Variants in CNBD2 observed in about 807,000 individuals in gnomAD.
CNBD2 encodes the protein cyclic nucleotide binding domain containing 2.
CNBD2 carries 64 observed loss-of-function variants against 63.7 expected under a neutral mutation model. That is an observed-to-expected ratio of 1.00 (90% CI 0.82 to 1.24). The LOEUF (loss-of-function observed/expected upper bound fraction) is 1.24. Among genes scored for constraint, CNBD2 ranks in the 50% most tolerant of loss-of-function variants. The pLI, the probability that CNBD2 is intolerant of heterozygous loss-of-function variation, is 0.00. For synonymous variants in CNBD2, 229 were observed against 255.4 expected, an observed-to-expected ratio of 0.90 and a Z score of 0.99; for missense variants, 691 against 713.5, an observed-to-expected ratio of 0.97 and a Z score of 0.36.
intron 2 of CNBD2, among the ~76,000 whole-genome samples, chr20:35,961,794 T>G (rs2056310761): frequency 6.6e-6 from 1 of 152,056 alleles, no homozygotes; most frequent in Admixed American, 6.5e-5. Flanking sequence ...TTTTTGTGAG[T>G]ATGTGAATTG....
intron 8 of CNBD2, among the ~76,000 whole-genome samples, chr20:36,006,631 G>T (rs530543238): frequency 1.3e-5 from 2 of 152,134 alleles, no homozygotes; most frequent in South Asian, 4.1e-4. Context: ...TGCCCAGACT[G>T]GTCTCGAACT....
At chr20:35,987,640 C>T in intron 7 of CNBD2, 107 bp downstream of exon 7, 2 of 1,261,764 alleles carry the variant, frequency 1.6e-6, no homozygotes, top group Non-Finnish European at 2.2e-6. Context: ...GCAACCTGTG[C>T]AATTCACTTC....
intron 10 of CNBD2, among the ~76,000 whole-genome samples, chr20:36,012,337 G>A (rs540319764): frequency 3.4e-4 from 51 of 151,730 alleles, no homozygotes; most frequent in Admixed American, 9.8e-4. Flanking sequence ...AAAAAGCCAG[G>A]TATGGTGGCA....
chr20:35,996,658 C>T (rs2056830032), intron 8 of CNBD2, among the ~76,000 whole-genome samples: 1 of 152,052 alleles, frequency 6.6e-6, no homozygotes, highest in South Asian at 2.1e-4. Context: ...CGGGCACATG[C>T]CACCATGCCC....
chr20:35,967,707 G>C (rs993206503), upstream of CNBD2, among the ~76,000 whole-genome samples: 2 of 152,012 alleles, frequency 1.3e-5, no homozygotes, highest in African/African-American at 4.8e-5. Context: ...ACAAAAATCA[G>C]CCGGGCATGG....
At position 35,984,695 on chromosome 20, in the gene CNBD2, G is replaced by T. The variant is rs1235105947; in HGVS notation, c.633G>T (p.Leu211=). ...TCTGTATGGAAGAAACGGAGTTCCTGGTTGTTGACCGGGAGGACTTCTTTG... is the reference window on the plus strand; with the variant it reads ...TCTGTATGGAAGAAACGGAGTTCCTTGTTGTTGACCGGGAGGACTTCTTTG... ...TIVCMEETEF[L]VVDREDFFAN... is the part of the protein sequence containing the mutation. Residue 211 remains leucine, a synonymous_variant, in exon 6 of 12, where the codon CTG becomes CTT. Transcript: ENST00000373973. 7 of 1,614,098 alleles carry T rather than the reference G, an allele frequency of 4.3e-6. No individual in the cohort carries two copies. Among genetic ancestry groups the T allele is most frequent in the Non-Finnish European group, 5.9e-6 (7 of 1,180,036 alleles).
At chr20:35,954,612 G>T, upstream of CNBD2, 2 of 1,360,044 alleles carry the variant, frequency 1.5e-6, no homozygotes, top group Non-Finnish European at 1.9e-6. Context: ...GGTGCGGGAG[G>T]GCGAGCTGCG....
At chr20:36,005,908 G>A (rs1055428045) in intron 8 of CNBD2, among the ~76,000 whole-genome samples, 1 of 151,840 alleles carries the variant, frequency 6.6e-6, no homozygotes, top group African/African-American at 2.4e-5. Context: ...CCGAGATCAA[G>A]CCACTACACT....
chr20:35,966,670 T>C (rs971979619), upstream of CNBD2, among the ~76,000 whole-genome samples: 1 of 152,066 alleles, frequency 6.6e-6, no homozygotes, highest in Non-Finnish European at 1.5e-5. Flanking sequence ...ATTGTCCTGA[T>C]TTAACCAGAC....
rs768876283 is a variant in CNBD2 at position 36,023,681 on chromosome 20, T to TA, written c.1350dup (p.Arg451ThrfsTer9). 21 of 1,613,760 alleles carry TA rather than the reference T, an allele frequency of 1.3e-5. No homozygotes were observed. The African/African-American group carries it at 2.5e-4, about 20-fold the overall frequency. On this transcript the variant is annotated frameshift_variant, in exon 11 of 12. Transcript: ENST00000373973. LOFTEE classifies it high-confidence loss of function. ...CTGATGAGCCTGGGAAATGAGTTGA[T>TA]ACGGATAAGGAAGGAAATATTTTAT...
intron 1 of CNBD2, among the ~76,000 whole-genome samples, chr20:35,972,111 T>C (rs1005107160): frequency 6.6e-6 from 1 of 152,228 alleles, no homozygotes; most frequent in Non-Finnish European, 1.5e-5. Context: ...AAAATCAAGG[T>C]GTGAGCATTC....
intron 11 of CNBD2, among the ~76,000 whole-genome samples, chr20:36,027,828 C>T (rs1279023729): frequency 1.3e-5 from 2 of 151,988 alleles, no homozygotes; most frequent in African/African-American, 4.8e-5. Context: ...GGCGCCGCCA[C>T]CACACCTGAC....
chr20:35,954,608 G>A, upstream of CNBD2: 1 of 1,372,706 alleles, frequency 7.3e-7, no homozygotes, highest in Non-Finnish European at 9.6e-7. Context: ...TCGCGGTGCG[G>A]GAGGGCGAGC....
chr20:36,019,491 C>T (rs1440113561), intron 10 of CNBD2, among the ~76,000 whole-genome samples: 1 of 146,952 alleles, frequency 6.8e-6, no homozygotes, highest in Non-Finnish European at 1.5e-5. Context: ...CAACTGCACT[C>T]CAGCCTAGGG....
At chr20:35,964,720 A>G (rs2056332454), upstream of CNBD2, among the ~76,000 whole-genome samples, 1 of 146,976 alleles carries the variant, frequency 6.8e-6, no homozygotes, top group South Asian at 2.2e-4. Context: ...TTTTTTTTTT[A>G]AGAGACGGAG....
intron 7 of CNBD2, 70 bp from the exon 8 acceptor site, chr20:35,994,968 T>C (rs1428994941): frequency 2.9e-6 from 3 of 1,037,692 alleles, no homozygotes; most frequent in Non-Finnish European, 4.4e-6. Flanking sequence ...TAAGAGAGAT[T>C]TTCTTCAAAG....
At chr20:35,996,279 A>T (rs1188710509) in intron 8 of CNBD2, among the ~76,000 whole-genome samples, 1 of 152,190 alleles carries the variant, frequency 6.6e-6, no homozygotes, top group African/African-American at 2.4e-5. Flanking sequence ...GGCATCTAGC[A>T]GGTGCTCAGA....
intron 11 of CNBD2, among the ~76,000 whole-genome samples, chr20:36,026,193 C>CTGGCTAATTTTTTTGTATTTTT (rs2057281280): frequency 6.6e-6 from 1 of 152,124 alleles, no homozygotes; most frequent in Non-Finnish European, 1.5e-5. Context: ...GCCACCATGC[C>CTGGCTAATTTTTTTGTATTTTT]TGGCTAATTT....
At chr20:35,956,462 C>G (rs1324393841), downstream of CNBD2, among the ~76,000 whole-genome samples, 1 of 152,144 alleles carries the variant, frequency 6.6e-6, no homozygotes, top group East Asian at 1.9e-4. Flanking sequence ...ATACTCTGTC[C>G]CATTTGGTCT....
Sources: gnomAD v4.1 joint callset for allele counts (sites outside exome capture counted in the v4.1 genomes callset) on GRCh38, gnomAD v4.1.1 for gene constraint, MANE v1.5 for transcripts, NCBI Gene and HGNC (gene_info 2026-07-23, HGNC 2026-07-21) for gene names.